The following TMEM150C variants were observed in gnomAD, a reference collection of about 807,000 sequenced individuals.
TMEM150C encodes the protein tentonin 3.
Under a neutral mutation model 29.9 loss-of-function variants are expected in TMEM150C, and 10 were observed. That is an observed-to-expected ratio of 0.33 (90% CI 0.21 to 0.57). The LOEUF (loss-of-function observed/expected upper bound fraction) is 0.57, where lower values mean the gene tolerates loss of function less well. Among genes scored for constraint, TMEM150C ranks in the 20% least tolerant of loss-of-function variants. The probability of loss-of-function intolerance (pLI) is 0.88; values close to 1 mark genes in which losing one functional copy is unlikely to be tolerated. For missense variants in TMEM150C, 251 were observed against 303.6 expected (o/e 0.83, Z 1.29); for synonymous variants, 101 against 112.5 (o/e 0.90, Z 0.64).
chr4:82,490,571 G>T lies in TMEM150C; in HGVS notation c.364-333C>A, dbSNP rs541771554. On this transcript the variant is annotated intron_variant, in intron 6 of 7. Coordinates refer to ENST00000449862, the MANE Select transcript of TMEM150C (RefSeq NM_001080506.3). ...AAATTAGACCAGGAATTTGGACATG[G>T]TTTTTTTTGTTTGTTTGTTTTTGTT... is the stretch of plus-strand genomic sequence containing the variant. Among the ~76,000 whole-genome samples, 20 of 151,858 alleles carry T rather than the reference G, an allele frequency of 1.3e-4. 1 individual carries two copies. The South Asian group carries it at 4.0e-3, about 30-fold the overall frequency.
intron 1 of TMEM150C, among the ~76,000 whole-genome samples, chr4:82,507,710 A>ACTCT (rs1215011397): frequency 3.8e-4 from 37 of 96,566 alleles, no homozygotes; most frequent in East Asian, 9.3e-4. Context: ...TATTAAATTA[A>ACTCT]CTCTCTCTCT....
In TMEM150C at chr4:82,490,211, C is replaced by A. The variant is rs200336546; in HGVS notation, c.391G>T (p.Val131Phe). Residue 131 changes from valine (V) to phenylalanine (F), a missense_variant, in exon 7 of 8, where the codon GTC becomes TTC. Val to Phe is a conservative substitution (Grantham distance 50). Transcript: ENST00000449862. ...QLTNDEEIHN[V>F]GTSLTFGFGT... ...AATCCAAAGGTCAAGGAAGTTCCGA[C>A]GTTATGGATTTCTTCATCATTTGTG... The A allele has an allele frequency of 6.2e-7, 1 of 1,613,826 alleles. No homozygotes were observed. The highest frequency in any genetic ancestry group is 1.1e-5 in the South Asian group (1 of 91,066).
intron 1 of TMEM150C, among the ~76,000 whole-genome samples, chr4:82,553,802 A>C (rs1014355770): frequency 1.3e-5 from 2 of 152,222 alleles, no homozygotes; most frequent in African/African-American, 4.8e-5. Context: ...ATATGCCACT[A>C]TTTGATCATA....
chr4:82,498,434 TG>T (rs1279438155), intron 5 of TMEM150C, among the ~76,000 whole-genome samples: 1 of 152,138 alleles, frequency 6.6e-6, no homozygotes, highest in Non-Finnish European at 1.5e-5. Flanking sequence ...GGACTACAGG[TG>T]CACGCCACCA....
In TMEM150C at chr4:82,561,953, G is replaced by T; in HGVS notation, c.-58C>A. 1.8e-6 allele frequency: 2 copies of T among 1,107,388 alleles called. No homozygotes were observed. The highest frequency in any genetic ancestry group is 2.2e-6 in the Non-Finnish European group (2 of 902,066). The allele number at this position is 1,107,388 out of a possible 1,614,324, so 68.6% of individuals were successfully genotyped here. A position where few individuals can be genotyped will look rare whatever the true frequency, so the allele number is the denominator to read the frequency against. On this transcript the variant is annotated 5_prime_UTR_variant, in exon 1 of 8. Transcript: ENST00000449862. ...CTGTCGCCTCGAGGGGCTGTGACCT[G>T]CTGCGGTGGCGGCGGCGGCAGCAGT...
intron 6 of TMEM150C, among the ~76,000 whole-genome samples, chr4:82,492,246 A>G (rs2110063559): frequency 6.6e-6 from 1 of 152,292 alleles, no homozygotes; most frequent in Admixed American, 6.5e-5. Context: ...CTCATGTCTC[A>G]GCCTCCCAAG....
intron 1 of TMEM150C, among the ~76,000 whole-genome samples, chr4:82,514,040 A>G (rs1021480430): frequency 4.5e-4 from 69 of 152,250 alleles, no homozygotes; most frequent in Middle Eastern, 3.2e-3. Context: ...AAAGCTGAAC[A>G]GCCACCAAGG....
intron 5 of TMEM150C, among the ~76,000 whole-genome samples, chr4:82,500,803 T>C (rs758832739): frequency 5.3e-5 from 8 of 152,268 alleles, no homozygotes; most frequent in Non-Finnish European, 1.0e-4. Flanking sequence ...GGAAACAATA[T>C]GTGGCTTCCA....
intron 5 of TMEM150C, among the ~76,000 whole-genome samples, chr4:82,500,403 C>T (rs1723700451): frequency 6.6e-6 from 1 of 152,174 alleles, no homozygotes; most frequent in Non-Finnish European, 1.5e-5. Flanking sequence ...TAAACTGATT[C>T]TTTTTCACTC....
At chr4:82,539,962 G>T (rs1578150447) in intron 1 of TMEM150C, among the ~76,000 whole-genome samples, 1 of 151,888 alleles carries the variant, frequency 6.6e-6, no homozygotes, top group Non-Finnish European at 1.5e-5. Flanking sequence ...AGATACCAAA[G>T]AATTCAATAG....
rs1578114133 is a variant in TMEM150C at position 82,483,324 on chromosome 4, TAAAAG to T, written c.*2182_*2186del. 1 of 152,158 alleles carries T rather than the reference TAAAAG, an allele frequency of 6.6e-6. No individual in the cohort carries two copies. Among genetic ancestry groups the T allele is most frequent in the African/African-American group, 2.4e-5 (1 of 41,438 alleles). 9.4% of individuals were successfully genotyped at this position (152,158 alleles called of 1,614,324 possible). A position where few individuals can be genotyped will look rare whatever the true frequency, so the allele number is the denominator to read the frequency against. ...GCTGTTTAATTTGGATTGTGTAGAATAAAAGAAAACTACATAAGTCTTTGTTCTTT... is the reference window on the plus strand; with the variant it reads ...GCTGTTTAATTTGGATTGTGTAGAATAAAACTACATAAGTCTTTGTTCTTT... On this transcript the variant is annotated 3_prime_UTR_variant, in exon 8 of 8. Transcript: ENST00000449862.
At chr4:82,531,779 G>A (rs1724856129) in intron 1 of TMEM150C, among the ~76,000 whole-genome samples, 1 of 131,852 alleles carries the variant, frequency 7.6e-6, no homozygotes. Context: ...AAAAAAAAAA[G>A]GTCATGGAAA....
intron 7 of TMEM150C, among the ~76,000 whole-genome samples, chr4:82,487,371 C>T (rs1190705815): frequency 6.6e-6 from 1 of 152,122 alleles, no homozygotes; most frequent in Non-Finnish European, 1.5e-5. Context: ...ATGGCTTGAA[C>T]CCAGGAGGTG....
intron 1 of TMEM150C, among the ~76,000 whole-genome samples, chr4:82,534,665 T>G (rs1724952771): frequency 6.6e-6 from 1 of 152,204 alleles, no homozygotes; most frequent in South Asian, 2.1e-4. Flanking sequence ...GGTTTACAGA[T>G]GCCCATCTTA....
At chr4:82,544,210 CT>C (rs1006166952) in intron 1 of TMEM150C, among the ~76,000 whole-genome samples, 165 of 152,270 alleles carry the variant, frequency 1.1e-3, no homozygotes, top group African/African-American at 3.8e-3. Flanking sequence ...CATAAGGGTC[CT>C]GTTCAAGGTC....
chr4:82,558,995 C>T (rs1488305824), intron 1 of TMEM150C, among the ~76,000 whole-genome samples: 1 of 152,154 alleles, frequency 6.6e-6, no homozygotes, highest in East Asian at 1.9e-4. Context: ...TAAGAAGGTT[C>T]TTTGTAATTT....
At chr4:82,506,572 C>A (rs557046685) in intron 1 of TMEM150C, among the ~76,000 whole-genome samples, 108 of 152,202 alleles carry the variant, frequency 7.1e-4, no homozygotes, top group Non-Finnish European at 1.3e-3. Flanking sequence ...TATCAGGTGG[C>A]GGAAATACTG....
At chr4:82,561,852 G>C (rs868394473) in intron 1 of TMEM150C, 54 bp downstream of exon 1, 33 of 978,950 alleles carry the variant, frequency 3.4e-5, no homozygotes, top group Middle Eastern at 1.0e-3. Flanking sequence ...GGCCGGGCCG[G>C]ACGCCCCCTG....
intron 1 of TMEM150C, among the ~76,000 whole-genome samples, chr4:82,520,017 T>G (rs1019542589): frequency 1.3e-5 from 2 of 152,226 alleles, no homozygotes; most frequent in Non-Finnish European, 2.9e-5. Context: ...TTTGTCATTG[T>G]GAGGTGTTCT....
Sources: gnomAD v4.1 joint callset for allele counts (sites outside exome capture counted in the v4.1 genomes callset) on GRCh38, gnomAD v4.1.1 for gene constraint, MANE v1.5 for transcripts, NCBI Gene and HGNC (gene_info 2026-07-23, HGNC 2026-07-21) for gene names.